Variants in SLC39A11 observed in about 807,000 individuals in gnomAD.
SLC39A11 encodes the protein zinc transporter ZIP11.
SLC39A11 carries 33 observed loss-of-function variants against 36.1 expected under a neutral mutation model. The ratio of observed to expected loss-of-function variants is 0.91; its 90% CI spans 0.69 to 1.22. The LOEUF is 1.22. Among genes scored for constraint, SLC39A11 ranks in the 50% most tolerant of loss-of-function variants. The probability of loss-of-function intolerance (pLI) is 0.00; values close to 1 mark genes in which losing one functional copy is unlikely to be tolerated. For synonymous variants in SLC39A11, 166 were observed against 170.3 expected, an observed-to-expected ratio of 0.97 and a Z score of 0.20; for missense variants, 432 against 430.3, an observed-to-expected ratio of 1.00 and a Z score of -0.03.
intron 3 of SLC39A11, among the ~76,000 whole-genome samples, chr17:73,059,683 G>A (rs748723351): frequency 1.5e-4 from 20 of 137,178 alleles, no homozygotes; most frequent in Non-Finnish European, 2.8e-4. Context: ...GAAATAATAT[G>A]GGAAACAACT....
At chr17:73,047,982 AAAAAAAAAATATATAT>A (rs1172321843) in intron 3 of SLC39A11, among the ~76,000 whole-genome samples, 1 of 50,492 alleles carries the variant, frequency 2.0e-5, no homozygotes, top group African/African-American at 6.3e-5. Flanking sequence ...AAAAAAAAAA[AAAAAAAAAATATATAT>A]ATATATATAT....
chr17:72,932,673 C>A (rs556297455), intron 5 of SLC39A11, among the ~76,000 whole-genome samples: 3 of 152,276 alleles, frequency 2.0e-5, no homozygotes, highest in African/African-American at 7.2e-5. Flanking sequence ...TACATCCAGG[C>A]TCCATGAGCT....
intron 6 of SLC39A11, among the ~76,000 whole-genome samples, chr17:72,834,393 G>C (rs1021826795): frequency 6.6e-6 from 1 of 152,168 alleles, no homozygotes; most frequent in Non-Finnish European, 1.5e-5. Flanking sequence ...AAGCTGAGGC[G>C]GGTGGATCAC....
intron 6 of SLC39A11, among the ~76,000 whole-genome samples, chr17:72,792,688 T>A (rs1412195357): frequency 1.3e-5 from 2 of 152,148 alleles, no homozygotes; most frequent in East Asian, 3.9e-4. Flanking sequence ...ACTGCCATGA[T>A]CCCTCCTGGG....
intron 3 of SLC39A11, among the ~76,000 whole-genome samples, chr17:73,033,781 C>T (rs1307020214): frequency 6.6e-6 from 1 of 152,166 alleles, no homozygotes; most frequent in African/African-American, 2.4e-5. Flanking sequence ...ATCTGCATCA[C>T]CCATCTTCAA....
At chr17:72,871,056 G>GTTTTTTTTTTTTTTTTTTGTTTTTTTT (rs34776144) in intron 5 of SLC39A11, among the ~76,000 whole-genome samples, 1 of 124,316 alleles carries the variant, frequency 8.0e-6, no homozygotes, top group African/African-American at 3.1e-5. Context: ...TTTTGTTTTT[G>GTTTTTTTTTTTTTTTTTTGTTTTTTTT]TTTTTTTTTT....
intron 5 of SLC39A11, among the ~76,000 whole-genome samples, chr17:72,900,107 G>A (rs202163994): frequency 2.8e-5 from 2 of 70,356 alleles, no homozygotes; most frequent in African/African-American, 8.3e-5. Flanking sequence ...AAGAAAGAAA[G>A]AAAAAGAAAG....
chr17:72,812,725 T>A (rs1009052346), intron 6 of SLC39A11, among the ~76,000 whole-genome samples: 1 of 152,196 alleles, frequency 6.6e-6, no homozygotes, highest in East Asian at 1.9e-4. Context: ...TTCTATGATA[T>A]ATGGATGAAA....
intron 3 of SLC39A11, among the ~76,000 whole-genome samples, chr17:73,057,526 G>A (rs1484485661): frequency 6.6e-6 from 1 of 152,186 alleles, no homozygotes; most frequent in Non-Finnish European, 1.5e-5. Context: ...ATTTATAAAA[G>A]TTAAGCTCTC....
intron 5 of SLC39A11, among the ~76,000 whole-genome samples, chr17:72,936,070 C>T (rs563843169): frequency 6.6e-6 from 1 of 152,164 alleles, no homozygotes; most frequent in South Asian, 2.1e-4. Context: ...TGGTGGTATT[C>T]GCCTGTAATC....
At chr17:72,733,405 T>C (rs544045790) in intron 7 of SLC39A11, among the ~76,000 whole-genome samples, 1 of 152,274 alleles carries the variant, frequency 6.6e-6, no homozygotes, top group East Asian at 1.9e-4. Flanking sequence ...TAGCAAAATA[T>C]GAGACATATA....
At chr17:72,712,968 C>T (rs1448439362) in intron 7 of SLC39A11, 1 of 152,088 alleles carries the variant, frequency 6.6e-6, no homozygotes, top group Admixed American at 6.6e-5. Context: ...GGGCAGGAAA[C>T]CAAGTTCAAG....
chr17:72,782,967 A>T (rs2144909879), intron 6 of SLC39A11, among the ~76,000 whole-genome samples: 2 of 142,796 alleles, frequency 1.4e-5, no homozygotes, highest in South Asian at 4.4e-4. Context: ...ATGCCACTGC[A>T]CTCCAGCCTG....
chr17:72,710,545 G>A (rs927350338), intron 7 of SLC39A11, among the ~76,000 whole-genome samples: 1 of 152,202 alleles, frequency 6.6e-6, no homozygotes, highest in Non-Finnish European at 1.5e-5. Context: ...GTGGAGCAGA[G>A]AGCAAGCCCT....
chr17:72,918,253 A>G (rs1299165901), intron 5 of SLC39A11, among the ~76,000 whole-genome samples: 1 of 152,190 alleles, frequency 6.6e-6, no homozygotes, highest in African/African-American at 2.4e-5. Flanking sequence ...TACCAAAAAT[A>G]TAAAAATTAG....
At chr17:72,842,009 G>A (rs116781181) in intron 6 of SLC39A11, among the ~76,000 whole-genome samples, 5,536 of 151,902 alleles carry the variant, frequency 0.036, 338 homozygotes, top group African/African-American at 0.12. Flanking sequence ...GGTTGAGGCC[G>A]CAGTGAGCCA....
At chr17:72,730,306 C>T (rs952160252) in intron 7 of SLC39A11, among the ~76,000 whole-genome samples, 1 of 152,182 alleles carries the variant, frequency 6.6e-6, no homozygotes, top group Non-Finnish European at 1.5e-5. Context: ...TACATTACTT[C>T]CCCTTTCCTT....
intron 6 of SLC39A11, among the ~76,000 whole-genome samples, chr17:72,764,925 T>C (rs1250640112): frequency 6.6e-6 from 1 of 152,184 alleles, no homozygotes; most frequent in African/African-American, 2.4e-5. Context: ...ATCATGGCAG[T>C]GATCTCACCA....
At chr17:72,775,849 C>T (rs2076114065) in intron 6 of SLC39A11, among the ~76,000 whole-genome samples, 1 of 152,246 alleles carries the variant, frequency 6.6e-6, no homozygotes, top group African/African-American at 2.4e-5. Context: ...TACTCTTCTG[C>T]TGCTGAGAAC....
Sources: allele counts gnomAD v4.1 joint callset (sites outside exome capture counted in the v4.1 genomes callset), GRCh38; gene constraint gnomAD v4.1.1; transcripts MANE v1.5; gene names NCBI Gene and HGNC (gene_info 2026-07-23, HGNC 2026-07-21).